The following RNF213 variants were observed in gnomAD, a reference collection of about 807,000 sequenced individuals.
RNF213 encodes ring finger protein 213.
A neutral mutation model predicts 514.4 loss-of-function variants in RNF213; 341 were observed. That is an observed-to-expected ratio of 0.66 (90% CI 0.61 to 0.73). RNF213 has a LOEUF of 0.73. Among genes scored for constraint, RNF213 ranks in the 30% least tolerant of loss-of-function variants. The pLI, the probability that RNF213 is intolerant of heterozygous loss-of-function variation, is 0.00. For synonymous variants in RNF213, 2,655 were observed against 2,658.2 expected, an observed-to-expected ratio of 1.00 and a Z score of 0.04; for missense variants, 5,767 against 6,615.6, an observed-to-expected ratio of 0.87 and a Z score of 4.45.
rs116548241 is a variant in RNF213, at chr17:80,312,653, G to A, written c.2656-359G>A. 3.6e-3 allele frequency among the ~76,000 whole-genome samples: 549 copies of A among 152,330 alleles called. 3 individuals are homozygous for A. Among genetic ancestry groups the A allele is most frequent in the African/African-American group, 0.012 (496 of 41,582 alleles). On this transcript the variant is annotated intron_variant, in intron 14 of 67. Transcript: ENST00000582970. ...TCTCCTGTGTCTAAGGAACAGGCCC[G>A]GGAGTCTGCAGGGCCCCTCTCTGGG...
At position 80,368,269 on chromosome 17, in the gene RNF213, C is replaced by A. The variant is rs939615208; in HGVS notation, c.12155+126C>A. On this transcript the variant is annotated intron_variant, in intron 44 of 67. Transcript: ENST00000582970. The stretch of plus-strand genomic sequence containing the variant: ...AGAAAACCTGACCTCAGAGAACTAT[C>A]ATAAGAGACGCCACTTACGTACTTT... 4 of 1,005,504 alleles carry A rather than the reference C, an allele frequency of 4.0e-6. No homozygotes were observed. In the African/African-American group the frequency reaches 6.3e-5, roughly 16 times the overall value. 62.3% of individuals were successfully genotyped at this position (1,005,504 alleles called of 1,614,324 possible). A position where few individuals can be genotyped will look rare whatever the true frequency, so the allele number is the denominator to read the frequency against.
Position 80,332,005 on chromosome 17 carries a change from G to A in RNF213, c.3518-1G>A. The A allele has an allele frequency of 6.5e-7, 1 of 1,530,944 alleles. No individual in the cohort carries two copies. Among genetic ancestry groups the A allele is most frequent in the Non-Finnish European group, 8.8e-7 (1 of 1,142,056 alleles). The allele number at this position is 1,530,944 out of a possible 1,614,324, so 94.8% of individuals were successfully genotyped here. On this transcript the variant is annotated splice_acceptor_variant, in intron 20 of 67. Coordinates refer to ENST00000582970, the MANE Select transcript of RNF213 (RefSeq NM_001256071.3). LOFTEE classifies it high-confidence loss of function. ...CTGACACTTTCTTTTCGCTTCTAAA[G>A]TGGACTTTGGAGTGCTTGCAGTAAG... is the stretch of plus-strand genomic sequence containing the variant.
intron 20 of RNF213, among the ~76,000 whole-genome samples, chr17:80,331,476 C>T (rs1036189210): frequency 6.6e-6 from 1 of 151,392 alleles, no homozygotes; most frequent in African/African-American, 2.4e-5. Flanking sequence ...GCAACCTCCA[C>T]CTCCCAGGTT....
At chr17:80,392,988 CT>C (rs138848873) in intron 67 of RNF213, among the ~76,000 whole-genome samples, 8,054 of 148,620 alleles carry the variant, frequency 0.054, 698 homozygotes, top group African/African-American at 0.19. Flanking sequence ...ATATGGGAGC[CT>C]TTTTTTTTGA....
At chr17:80,265,789 G>A (rs1397411597) in intron 2 of RNF213, among the ~76,000 whole-genome samples, 1 of 152,216 alleles carries the variant, frequency 6.6e-6, no homozygotes, top group African/African-American at 2.4e-5. Context: ...GGGCACTTAA[G>A]CCGGATGCCG....
rs1036863393 is a variant in RNF213 at position 80,396,243 on chromosome 17, CAG to C, written c.*2748_*2749del. On this transcript the variant is annotated 3_prime_UTR_variant, in exon 68 of 68. Transcript: ENST00000582970. Reference sequence around the variant, plus strand: ...CACCACTGCACTCCAACCTGGGTGACAGAGTGAGACCCTGTCTCAAAAAAAAA... The same window carrying C: ...CACCACTGCACTCCAACCTGGGTGACAGTGAGACCCTGTCTCAAAAAAAAA... 1.4e-5 allele frequency: 2 copies of C among 146,540 alleles called. No homozygotes were observed. Among genetic ancestry groups the C allele is most frequent in the African/African-American group, 5.2e-5 (2 of 38,468 alleles). 9.1% of individuals were successfully genotyped at this position (146,540 alleles called of 1,614,324 possible). A position where few individuals can be genotyped will look rare whatever the true frequency, so the allele number is the denominator to read the frequency against.
chr17:80,364,806 G>A, intron 42 of RNF213: 1 of 484,342 alleles, frequency 2.1e-6, no homozygotes, highest in South Asian at 2.0e-5. Context: ...TGTGCAGAAA[G>A]GGGCTGACGC....
intron 2 of RNF213, among the ~76,000 whole-genome samples, chr17:80,270,784 G>A (rs1361284945): frequency 1.3e-5 from 2 of 152,182 alleles, no homozygotes; most frequent in Admixed American, 1.3e-4. Context: ...CAAGAGAAAC[G>A]TGCTGGGTCA....
intron 3 of RNF213, among the ~76,000 whole-genome samples, chr17:80,282,951 T>C: frequency 6.7e-6 from 1 of 149,986 alleles, no homozygotes; most frequent in South Asian, 2.1e-4. Context: ...GCCCGCCTCG[T>C]TCTCTCAAAG....
chr17:80,341,358 G>T (rs1313423253), intron 26 of RNF213: 1 of 152,210 alleles, frequency 6.6e-6, no homozygotes, highest in Admixed American at 6.5e-5. Flanking sequence ...CCCTTCGTTT[G>T]CCATCTTGTT....
Position 80,347,512 on chromosome 17 carries a change from C to T in RNF213, c.9177C>T (p.Phe3059=). 6.2e-7 allele frequency: 1 copy of T among 1,614,134 alleles called. No individual in the cohort carries two copies. The highest frequency in any genetic ancestry group is 8.5e-7 in the Non-Finnish European group (1 of 1,180,042). Residue 3059 remains phenylalanine (F), a synonymous_variant, in exon 29 of 68, where the codon TTC becomes TTT. Coordinates refer to ENST00000582970, the MANE Select transcript of RNF213 (RefSeq NM_001256071.3). This position sits in a 1 kb window ranked among gnomAD's most constrained non-coding sequence, Gnocchi z 7.2. ...CACTGCAGATCCTGCAGCAGACATT[C>T]TTCGAGGGGGACCAGCAGCCGGAGA... is the stretch of plus-strand genomic sequence containing the variant. ...YVALQILQQT[F]FEGDQQPEII... is the part of the protein sequence containing the mutation.
At position 80,380,949 on chromosome 17, in the gene RNF213, C is replaced by CA; in HGVS notation, c.13760dup (p.His4587GlnfsTer20). ...CTTCCTCCTTATCCGGCTACTCACTCACTTGGCTCTGCTTCTGGGAGCGTC... is the reference window on the plus strand; with the variant it reads ...CTTCCTCCTTATCCGGCTACTCACTCAACTTGGCTCTGCTTCTGGGAGCGTC... On this transcript the variant is annotated frameshift_variant, in exon 56 of 68. Transcript: ENST00000582970. LOFTEE classifies it high-confidence loss of function. 1 of 1,614,244 alleles carries CA rather than the reference C, an allele frequency of 6.2e-7. No homozygotes were observed. The highest frequency in any genetic ancestry group is 2.2e-5 in the East Asian group (1 of 44,890).
At chr17:80,379,451 C>G (rs1468698980) in intron 54 of RNF213, 169 bp from the exon 55 acceptor site, 3 of 700,286 alleles carry the variant, frequency 4.3e-6, no homozygotes, top group Non-Finnish European at 7.8e-6. Flanking sequence ...TTAGTGAGTA[C>G]CTACCCTGTT....
At chr17:80,300,286 A>T (rs537928673) in intron 11 of RNF213, among the ~76,000 whole-genome samples, 1 of 151,554 alleles carries the variant, frequency 6.6e-6, no homozygotes, top group South Asian at 2.1e-4. Flanking sequence ...TTTTTAAGAG[A>T]CAGAGTCTGG....
chr17:80,357,742 C>T lies in RNF213; in HGVS notation c.10863-546C>T, dbSNP rs535482952. On this transcript the variant is annotated intron_variant, in intron 36 of 67. Transcript: ENST00000582970. ...ATCCCAATACTTTGGGAGGCCAAGG[C>T]GGGAGGATTACTTGTGCCCAGGAGT... is the stretch of plus-strand genomic sequence containing the variant. Among the ~76,000 whole-genome samples, 15 of 152,246 alleles carry T rather than the reference C, an allele frequency of 9.9e-5. No individual in the cohort carries two copies. In the South Asian group the frequency reaches 1.2e-3, roughly 13 times the overall value.
At chr17:80,278,349 G>A (rs948733990) in intron 3 of RNF213, among the ~76,000 whole-genome samples, 81 of 152,364 alleles carry the variant, frequency 5.3e-4, no homozygotes, top group Admixed American at 5.0e-3. Context: ...TGGCCCTGGG[G>A]TGCCCGGGCC....
At position 80,288,767 on chromosome 17, in the gene RNF213, T is replaced by G. The variant is rs1598927259; in HGVS notation, c.933+12T>G. 2 of 1,614,024 alleles carry G rather than the reference T, an allele frequency of 1.2e-6. No individual in the cohort carries two copies. The highest frequency in any genetic ancestry group is 1.3e-5 in the African/African-American group (1 of 75,062). On this transcript the variant is annotated intron_variant, in intron 5 of 67. Coordinates refer to ENST00000582970, the MANE Select transcript of RNF213 (RefSeq NM_001256071.3). The surrounding 1 kb of genome is among the most constrained non-coding windows in gnomAD (Gnocchi z 4.9). Reference sequence around the variant, plus strand: ...AAACACACTGCCAGGTGCGTCTCCTTCCTGCCTGCCGGCTCCAGGAGGCCC... The same window carrying G: ...AAACACACTGCCAGGTGCGTCTCCTGCCTGCCTGCCGGCTCCAGGAGGCCC...
At chr17:80,386,120 T>G (rs905356661) in intron 61 of RNF213, 130 bp from the exon 62 acceptor site, 32 of 827,720 alleles carry the variant, frequency 3.9e-5, no homozygotes, top group Admixed American at 3.6e-4. Flanking sequence ...GCATATGAGA[T>G]GGGGCAGAAC....
intron 38 of RNF213, among the ~76,000 whole-genome samples, chr17:80,360,951 C>T (rs2079033025): frequency 1.3e-5 from 2 of 152,176 alleles, no homozygotes; most frequent in Admixed American, 1.3e-4. Context: ...CCCTGCTTTT[C>T]TATGACAGCA....
Sources: allele counts gnomAD v4.1 joint callset (sites outside exome capture counted in the v4.1 genomes callset), GRCh38; gene constraint gnomAD v4.1.1; non-coding constraint Gnocchi (gnomAD v3.1); transcripts MANE v1.5; gene names NCBI Gene and HGNC (gene_info 2026-07-23, HGNC 2026-07-21).